ANXA6: variants seen among roughly 807,000 people sequenced by gnomAD.
ANXA6 encodes annexin A6.
Under a neutral mutation model 95.4 loss-of-function variants are expected in ANXA6, and 71 were observed. The observed-to-expected ratio is 0.74, with a 90% CI of 0.61 to 0.91. The LOEUF is 0.91. Ranked by LOEUF, ANXA6 falls within the 40% of genes least tolerant of loss-of-function variation. ANXA6 has a pLI of 0.00. For missense variants in ANXA6, 830 were observed against 876.4 expected, an observed-to-expected ratio of 0.95 and a Z score of 0.67; for synonymous variants, 289 against 315.9, an observed-to-expected ratio of 0.91 and a Z score of 0.90.
chr5:151,138,754 T>C lies in ANXA6; in HGVS notation c.242A>G (p.Lys81Arg). 6.2e-7 allele frequency: 1 copy of C among 1,613,916 alleles called. No homozygotes were observed. The highest frequency in any genetic ancestry group is 8.5e-7 in the Non-Finnish European group (1 of 1,179,860). The change falls in exon 5 of 26, where the codon AAG becomes AGG. Residue 81 changes from lysine to arginine, a missense_variant. Coordinates refer to ENST00000354546, the MANE Select transcript of ANXA6 (RefSeq NM_001155.5). ...IADLKYELTG[K>R]FERLIVGLMR... ...CAGGCCCACAATCAACCGTTCAAACTTGCCCGTCAATTCATACTTTAAATC... is the reference window on the plus strand; with the variant it reads ...CAGGCCCACAATCAACCGTTCAAACCTGCCCGTCAATTCATACTTTAAATC...
intron 2 of ANXA6, among the ~76,000 whole-genome samples, chr5:151,142,948 A>G (rs1425771767): frequency 6.6e-6 from 1 of 152,018 alleles, no homozygotes; most frequent in Non-Finnish European, 1.5e-5. Flanking sequence ...TTTTCCTTCC[A>G]CCTGTCTGAC....
intron 12 of ANXA6, 101 bp downstream of exon 12, chr5:151,129,306 C>A: frequency 6.9e-7 from 1 of 1,448,100 alleles, no homozygotes; most frequent in East Asian, 2.3e-5. Context: ...AAGAGACTCC[C>A]ACTTCCTAGG....
intron 20 of ANXA6, among the ~76,000 whole-genome samples, chr5:151,114,238 A>G (rs958652308): frequency 6.6e-6 from 1 of 152,188 alleles, no homozygotes; most frequent in Middle Eastern, 3.2e-3. Flanking sequence ...CTGTGAAGAT[A>G]CTAAAAACCA....
chr5:151,134,346 C>T, intron 8 of ANXA6, 81 bp downstream of exon 8: 1 of 1,403,664 alleles, frequency 7.1e-7, no homozygotes, highest in Non-Finnish European at 1.0e-6. Context: ...ACTTCACCTC[C>T]AGCCCTTCCC....
intron 23 of ANXA6, among the ~76,000 whole-genome samples, chr5:151,105,735 A>G (rs1407554703): frequency 6.6e-6 from 1 of 152,092 alleles, no homozygotes; most frequent in East Asian, 1.9e-4. Context: ...TTCCGGACCA[A>G]CAACATTAGC....
intron 1 of ANXA6, among the ~76,000 whole-genome samples, chr5:151,149,012 TAAAA>T (rs58207594): frequency 6.8e-6 from 1 of 147,932 alleles, no homozygotes; most frequent in Non-Finnish European, 1.5e-5. Context: ...CGATCTCTAT[TAAAA>T]AAAAATAAAA....
chr5:151,124,846 A>T (rs1765273350), intron 14 of ANXA6, among the ~76,000 whole-genome samples: 1 of 152,218 alleles, frequency 6.6e-6, no homozygotes, highest in Non-Finnish European at 1.5e-5. Flanking sequence ...CTCCTAAAGG[A>T]CTTTCACTAT....
chr5:151,141,500 G>C (rs67907558), intron 2 of ANXA6: 235,302 of 984,856 alleles, frequency 0.24, 30,199 homozygotes, highest in East Asian at 0.63. Context: ...ATCCAAAAAA[G>C]AGGGAATGGA....
At position 151,108,477 on chromosome 5, in the gene ANXA6, G is replaced by A. The variant is rs1187448434; in HGVS notation, c.1758C>T (p.Val586=). 6.2e-7 allele frequency: 1 copy of A among 1,613,798 alleles called. No individual in the cohort carries two copies. Among genetic ancestry groups the A allele is most frequent in the South Asian group, 1.1e-5 (1 of 91,074 alleles). ...TACCAATGGCCACAAATGCATCCCTGACATCCCCAGACATCTCCTTCTTGA... is the reference window on the plus strand; with the variant it reads ...TACCAATGGCCACAAATGCATCCCTAACATCCCCAGACATCTCCTTCTTGA... ...HTIKKEMSGD[V]RDAFVAIVQS... The change falls in exon 23 of 26, where the codon GTC becomes GTT. Residue 586 remains valine (V), a synonymous_variant. Transcript: ENST00000354546.
intron 22 of ANXA6, among the ~76,000 whole-genome samples, chr5:151,108,996 G>A (rs1156305004): frequency 1.3e-5 from 2 of 152,150 alleles, no homozygotes; most frequent in Non-Finnish European, 2.9e-5. Context: ...CAGGCATTGC[G>A]CCAGTGCTTT....
At chr5:151,113,177 G>A (rs2113902552) in intron 20 of ANXA6, among the ~76,000 whole-genome samples, 1 of 152,314 alleles carries the variant, frequency 6.6e-6, no homozygotes, top group Non-Finnish European at 1.5e-5. Context: ...GAGGCAGGTT[G>A]ATCACCTGAG....
At chr5:151,105,178 T>A (rs1360992706) in intron 24 of ANXA6, 67 bp downstream of exon 24, 1 of 1,422,498 alleles carries the variant, frequency 7.0e-7, no homozygotes, top group East Asian at 2.3e-5. Flanking sequence ...ATGGTGCACA[T>A]CTGTGTGTTT....
chr5:151,147,959 C>T (rs1247241575), intron 1 of ANXA6, 33 bp from the exon 2 acceptor site: 29 of 1,568,096 alleles, frequency 1.8e-5, no homozygotes, highest in Non-Finnish European at 2.5e-5. Context: ...GTGAGATTCC[C>T]CCCAACTCTA....
rs1257681174 is a variant in ANXA6, at chr5:151,138,666, C to G, written c.318+12G>C. On this transcript the variant is annotated intron_variant, in intron 5 of 25. Coordinates refer to ENST00000354546, the MANE Select transcript of ANXA6 (RefSeq NM_001155.5). ...TCCCCACCCCAACACCACATACACC[C>G]CCACTTCTTACCGAGATGGCATCTT... The G allele has an allele frequency of 4.4e-6, 7 of 1,596,590 alleles. 1 individual carries two copies. The South Asian group carries it at 6.6e-5, about 15-fold the overall frequency.
At chr5:151,140,273 C>G in intron 2 of ANXA6, 30 bp from the exon 3 acceptor site, 1 of 1,599,500 alleles carries the variant, frequency 6.3e-7, no homozygotes, top group Non-Finnish European at 8.6e-7. Context: ...GGGTGAGCTG[C>G]CAACCCCGGA....
chr5:151,131,970 A>G (rs964069446), intron 10 of ANXA6, among the ~76,000 whole-genome samples: 3 of 152,106 alleles, frequency 2.0e-5, no homozygotes, highest in Non-Finnish European at 4.4e-5. Flanking sequence ...CCCTGGTTTG[A>G]ATCTTGGCTC....
At chr5:151,102,698 C>T (rs565035633) in intron 25 of ANXA6, among the ~76,000 whole-genome samples, 11 of 152,084 alleles carry the variant, frequency 7.2e-5, no homozygotes, top group South Asian at 2.1e-4. Flanking sequence ...AGCAAGACTC[C>T]GTCTCAAAAA....
chr5:151,101,753 T>A (rs1295227976), intron 25 of ANXA6, among the ~76,000 whole-genome samples: 1 of 152,218 alleles, frequency 6.6e-6, no homozygotes, highest in Non-Finnish European at 1.5e-5. Flanking sequence ...ATCTGACCTG[T>A]GCAGAGCTCT....
At position 151,119,397 on chromosome 5, in the gene ANXA6, T is replaced by C; in HGVS notation, c.1348-7A>G. ...TTTCATCTGTGCCGGCTCCCTGGAA[T>C]GTCAAGGCAAAGATGATCTCAGCCA... On this transcript the variant is annotated splice_polypyrimidine_tract_variant and splice_region_variant and intron_variant, in intron 17 of 25. Coordinates refer to ENST00000354546, the MANE Select transcript of ANXA6 (RefSeq NM_001155.5). The C allele has an allele frequency of 6.2e-7, 1 of 1,613,400 alleles. No homozygotes were observed. The highest frequency in any genetic ancestry group is 1.3e-5 in the African/African-American group (1 of 75,050).
Sources: gnomAD v4.1 joint callset for allele counts (sites outside exome capture counted in the v4.1 genomes callset) on GRCh38, gnomAD v4.1.1 for gene constraint, MANE v1.5 for transcripts, NCBI Gene and HGNC (gene_info 2026-07-23, HGNC 2026-07-21) for gene names.